MOV10L1: variants seen among roughly 807,000 people sequenced by gnomAD.
The protein encoded by MOV10L1 is Mov10 like RNA helicase 1, also known as RNA helicase Mov10l1.
In MOV10L1, 110 loss-of-function variants were observed where a neutral mutation model predicts 143.8. The observed-to-expected ratio is 0.76, with a 90% CI of 0.66 to 0.90. The LOEUF is 0.90. Among genes scored for constraint, MOV10L1 ranks in the 40% least tolerant of loss-of-function variants. The pLI is 0.00. For synonymous variants in MOV10L1, 593 were observed against 581.1 expected (o/e 1.02, Z -0.29); for missense variants, 1,406 against 1,526.8 (o/e 0.92, Z 1.32).
At chr22:50,113,295 C>A (rs1437135731) in intron 5 of MOV10L1, among the ~76,000 whole-genome samples, 5 of 152,224 alleles carry the variant, frequency 3.3e-5, no homozygotes, top group Non-Finnish European at 7.3e-5. Context: ...ATGCTTCCCC[C>A]ACCACCACCT....
chr22:50,128,278 G>A (rs369769364), intron 12 of MOV10L1, 138 bp from the exon 13 acceptor site: 86 of 604,220 alleles, frequency 1.4e-4, no homozygotes, highest in African/African-American at 1.3e-3. Context: ...ATGGCGTAAT[G>A]ATTTAATCCT....
At chr22:50,108,614 A>G (rs1413741826) in intron 4 of MOV10L1, 43 bp from the exon 5 acceptor site, 2 of 1,606,152 alleles carry the variant, frequency 1.2e-6, no homozygotes, top group East Asian at 2.2e-5. Flanking sequence ...CCCTGTCGTC[A>G]TGCAGCATCT....
At chr22:50,151,017 G>T in intron 21 of MOV10L1, 118 bp downstream of exon 21, 2 of 1,316,008 alleles carry the variant, frequency 1.5e-6, no homozygotes. Flanking sequence ...GCAGAGTGCA[G>T]GGGAGCACCC....
intron 2 of MOV10L1, chr22:50,095,756 G>A (rs1205997191): frequency 1.3e-5 from 2 of 152,050 alleles, no homozygotes; most frequent in African/African-American, 4.8e-5. Flanking sequence ...CCTCTTGGTG[G>A]TCAGCTGCCC....
chr22:50,113,836 T>C lies in MOV10L1; in HGVS notation c.884+48T>C, dbSNP rs1199536925. 3 of 1,482,776 alleles carry C rather than the reference T, an allele frequency of 2.0e-6. No individual in the cohort carries two copies. The African/African-American group carries it at 4.3e-5, about 21-fold the overall frequency. The allele number at this position is 1,482,776 out of a possible 1,614,324, so 91.9% of individuals were successfully genotyped here. On this transcript the variant is annotated intron_variant, in intron 6 of 26. Transcript: ENST00000262794. Reference sequence around the variant, plus strand: ...TTCTATAAAGCTACATTAATGGCTTTTACACTATGACTCAATAATTTCTGT... The same window carrying C: ...TTCTATAAAGCTACATTAATGGCTTCTACACTATGACTCAATAATTTCTGT...
At chr22:50,147,017 G>C in intron 19 of MOV10L1, 1 of 1,538,158 alleles carries the variant, frequency 6.5e-7, no homozygotes, top group Non-Finnish European at 8.8e-7. Flanking sequence ...ACAAGACAGG[G>C]ATTTTTTTTG....
chr22:50,145,162 G>A (rs1261326617), intron 18 of MOV10L1, among the ~76,000 whole-genome samples: 7 of 151,382 alleles, frequency 4.6e-5, no homozygotes, highest in South Asian at 2.1e-4. Flanking sequence ...GGCTGGTCAC[G>A]AACTCCTGAT....
At chr22:50,147,061 C>T (rs1321834101) in intron 19 of MOV10L1, 45 of 1,554,158 alleles carry the variant, frequency 2.9e-5, no homozygotes, top group Middle Eastern at 1.7e-4. Flanking sequence ...GGTCAAGAGC[C>T]GAAGAGCCAG....
intron 15 of MOV10L1, among the ~76,000 whole-genome samples, chr22:50,139,242 C>T (rs1273550842): frequency 1.3e-5 from 2 of 151,952 alleles, no homozygotes; most frequent in South Asian, 2.1e-4. Context: ...ACTTACTCTG[C>T]GGTTTATAGC....
rs374929897 is a variant in MOV10L1, at chr22:50,143,210, G to A, written c.2347G>A (p.Ala783Thr). ...TGGAAAGACAGTGACAATAATAGAG[G>A]CTGTTTTACAGGTAAGGACAGCGGC... ...GTGKTVTIIE[A>T]VLQVHFALPD... Residue 783 changes from alanine to threonine, a missense_variant, in exon 17 of 27, where the codon GCT becomes ACT. Coordinates refer to ENST00000262794, the MANE Select transcript of MOV10L1 (RefSeq NM_018995.3). 1.5e-5 allele frequency: 24 copies of A among 1,613,980 alleles called. No homozygotes were observed. Among genetic ancestry groups the A allele is most frequent in the Non-Finnish European group, 1.9e-5 (22 of 1,180,034 alleles).
chr22:50,098,243 A>C (rs928724574), intron 2 of MOV10L1, among the ~76,000 whole-genome samples: 3 of 145,634 alleles, frequency 2.1e-5, no homozygotes, highest in South Asian at 2.2e-4. Context: ...TCTTAATAAT[A>C]ATTATTAAGA....
Position 50,152,930 on chromosome 22 carries a change from G to C in MOV10L1, c.2893-115G>C. The stretch of plus-strand genomic sequence containing the variant: ...CGACACACAGGGGCGCAGGAGCAGA[G>C]TCAGGCTTGGAAGTCAGGCAGGCCT... On this transcript the variant is annotated intron_variant, in intron 21 of 26. Transcript: ENST00000262794. The surrounding 1 kb of genome is among the most constrained non-coding windows in gnomAD (Gnocchi z 4.4). 9.2e-7 allele frequency: 1 copy of C among 1,087,280 alleles called. No individual in the cohort carries two copies. Among genetic ancestry groups the C allele is most frequent in the East Asian group, 2.4e-5 (1 of 41,674 alleles). 67.4% of individuals were successfully genotyped at this position (1,087,280 alleles called of 1,614,324 possible).
intron 10 of MOV10L1, among the ~76,000 whole-genome samples, chr22:50,124,623 C>T (rs1434731905): frequency 6.6e-6 from 1 of 152,218 alleles, no homozygotes; most frequent in African/African-American, 2.4e-5. Context: ...GAGTTTTCCC[C>T]CACCTCATGC....
intron 6 of MOV10L1, among the ~76,000 whole-genome samples, 200 bp downstream of exon 6, chr22:50,113,988 A>G (rs544634240): frequency 8.9e-5 from 12 of 135,168 alleles, no homozygotes; most frequent in Non-Finnish European, 1.8e-4. Context: ...GCGCGATCTC[A>G]GCTCACTGCA....
At position 50,115,918 on chromosome 22, in the gene MOV10L1, C is replaced by G. The variant is rs77867951; in HGVS notation, c.1259+672C>G. On this transcript the variant is annotated intron_variant, in intron 8 of 26. Transcript: ENST00000262794. ...GTGCTGAGGGAGGGGCAGGAAGGGC[C>G]CCTTCCTAGCTGGGATGCCAGACGC... 5.6e-3 allele frequency among the ~76,000 whole-genome samples: 849 copies of G among 152,256 alleles called. 11 individuals are homozygous for G. Among genetic ancestry groups the G allele is most frequent in the African/African-American group, 0.019 (800 of 41,556 alleles).
At chr22:50,131,499 T>G (rs1055079504) in intron 13 of MOV10L1, among the ~76,000 whole-genome samples, 2 of 152,200 alleles carry the variant, frequency 1.3e-5, no homozygotes, top group African/African-American at 2.4e-5. Flanking sequence ...TAATGATGCA[T>G]CTCAGAAATC....
chr22:50,155,371 G>T (rs892887920), intron 22 of MOV10L1, among the ~76,000 whole-genome samples: 4 of 150,146 alleles, frequency 2.7e-5, no homozygotes, highest in Admixed American at 6.7e-5. Flanking sequence ...AGCGATTCTC[G>T]TGCCTCAGCC....
At chr22:50,133,055 A>AGTT (rs1243192529) in intron 13 of MOV10L1, among the ~76,000 whole-genome samples, 2 of 151,458 alleles carry the variant, frequency 1.3e-5, no homozygotes, top group African/African-American at 4.8e-5. Context: ...AACCAAAGAC[A>AGTT]GTTTTACTTC....
At chr22:50,151,661 G>T (rs2056133856) in intron 21 of MOV10L1, among the ~76,000 whole-genome samples, 1 of 152,250 alleles carries the variant, frequency 6.6e-6, no homozygotes, top group African/African-American at 2.4e-5. Flanking sequence ...GGGCGCCTGA[G>T]AGCTCTGCTG....
Sources: allele counts gnomAD v4.1 joint callset (sites outside exome capture counted in the v4.1 genomes callset), GRCh38; gene constraint gnomAD v4.1.1; non-coding constraint Gnocchi (gnomAD v3.1); transcripts MANE v1.5; gene names NCBI Gene and HGNC (gene_info 2026-07-23, HGNC 2026-07-21).